The following ZNF585A variants were observed in gnomAD, a reference collection of about 807,000 sequenced individuals.
The protein encoded by ZNF585A is zinc finger protein 585A.
ZNF585A carries 9 observed loss-of-function variants against 14.9 expected under a neutral mutation model. That is an observed-to-expected ratio of 0.60 (90% CI 0.36 to 1.05). The LOEUF (loss-of-function observed/expected upper bound fraction) is 1.05. ZNF585A is among the 50% of genes least tolerant of loss of function. The pLI, the probability that ZNF585A is intolerant of heterozygous loss-of-function variation, is 0.01. For synonymous variants in ZNF585A, 276 were observed against 319.9 expected (o/e 0.86, Z 1.46); for missense variants, 726 against 926.4 (o/e 0.78, Z 2.81).
In ZNF585A at chr19:37,149,522, C is replaced by A. The variant is rs1394627636; in HGVS notation, c.*2067G>T. 6.6e-6 allele frequency: 1 copy of A among 152,180 alleles called. No individual in the cohort carries two copies. Among genetic ancestry groups the A allele is most frequent in the African/African-American group, 2.4e-5 (1 of 41,522 alleles). 9.4% of individuals were successfully genotyped at this position (152,180 alleles called of 1,614,324 possible). ...ATATTAACAGGATGCTGTCATTGGG[C>A]CCTGCTGGCTTGGATCCCATCCATC... On this transcript the variant is annotated 3_prime_UTR_variant, in exon 5 of 5. Transcript: ENST00000292841.
rs183450719 is a variant in ZNF585A at position 37,172,661 on chromosome 19, C to G, written c.-179G>C. ...TTATCGGTATTGGAATATGAAAATA[C>G]TCCTGACACCAGCGGCAAAAAAGCC... On this transcript the variant is annotated 5_prime_UTR_variant, in exon 1 of 5. Coordinates refer to ENST00000292841, the MANE Select transcript of ZNF585A (RefSeq NM_001288800.2). 2.6e-5 allele frequency: 4 copies of G among 152,248 alleles called. No individual in the cohort carries two copies. Among genetic ancestry groups the G allele is most frequent in the Admixed American group, 2.6e-4 (4 of 15,276 alleles). The allele number at this position is 152,248 out of a possible 1,614,324, so 9.4% of individuals were successfully genotyped here.
rs781383328 is a variant in ZNF585A at position 37,152,687 on chromosome 19, A to G, written c.1212T>C (p.His404=). The stretch of plus-strand genomic sequence containing the variant: ...TGCATATATACGATTTTTCTCCTGT[A>G]TGAATTCTCTGATGCACTGTGAGTG... ...KSALTVHQRI[H]TGEKSYICMK... The change falls in exon 5 of 5, where the codon CAT becomes CAC. Residue 404 remains histidine (H), a synonymous_variant. Transcript: ENST00000292841. 7 of 1,613,574 alleles carry G rather than the reference A, an allele frequency of 4.3e-6. No individual in the cohort carries two copies. Among genetic ancestry groups the G allele is most frequent in the Non-Finnish European group, 1.7e-6 (2 of 1,179,834 alleles).
rs1568492335 is a variant in ZNF585A, at chr19:37,151,579, A to T, written c.*10T>A. 1 of 1,602,806 alleles carries T rather than the reference A, an allele frequency of 6.2e-7. No individual in the cohort carries two copies. Among genetic ancestry groups the T allele is most frequent in the Non-Finnish European group, 8.5e-7 (1 of 1,173,524 alleles). ...CCAACCCTCAGGGGGGTTTTCTCAC[A>T]CTGTTTCTCTCAAGCGTGGCTGCTC... On this transcript the variant is annotated 3_prime_UTR_variant, in exon 5 of 5. Transcript: ENST00000292841.
rs927672818 is a variant in ZNF585A at position 37,148,708 on chromosome 19, C to T, written c.*2881G>A. 2 of 152,034 alleles carry T rather than the reference C, an allele frequency of 1.3e-5. No homozygotes were observed. Among genetic ancestry groups the T allele is most frequent in the African/African-American group, 4.8e-5 (2 of 41,376 alleles). 9.4% of individuals were successfully genotyped at this position (152,034 alleles called of 1,614,324 possible). Reference sequence around the variant, plus strand: ...ATTTCAGTTATGTCCACACAAAAAGCCTGCACAGATATTTATAACAGCTTT... The same window carrying T: ...ATTTCAGTTATGTCCACACAAAAAGTCTGCACAGATATTTATAACAGCTTT... On this transcript the variant is annotated 3_prime_UTR_variant, in exon 5 of 5. Coordinates refer to ENST00000292841, the MANE Select transcript of ZNF585A (RefSeq NM_001288800.2).
At position 37,160,692 on chromosome 19, in the gene ZNF585A, GA is replaced by G. The variant is rs541272574; in HGVS notation, c.73-4338del. 2.6e-5 allele frequency among the ~76,000 whole-genome samples: 4 copies of G among 151,872 alleles called. No individual in the cohort carries two copies. In the East Asian group the frequency reaches 7.7e-4, roughly 29 times the overall value. On this transcript the variant is annotated intron_variant, in intron 2 of 4. Transcript: ENST00000292841. ...CCAAGCTAATAAATTCAATAACTTA[GA>G]AAAAAATAAGCCAATTCCTCAAACA...
chr19:37,155,177 T>C (rs1488340362), intron 4 of ZNF585A, among the ~76,000 whole-genome samples: 3 of 151,826 alleles, frequency 2.0e-5, no homozygotes, highest in Non-Finnish European at 2.9e-5. Context: ...ATTTTTTGTA[T>C]TTTTAGGAGA....
intron 2 of ZNF585A, among the ~76,000 whole-genome samples, chr19:37,156,952 A>G (rs1056131289): frequency 6.6e-6 from 1 of 152,198 alleles, no homozygotes; most frequent in African/African-American, 2.4e-5. Context: ...TTGGCCTCCC[A>G]AAGTGCTGGG....
At position 37,155,849 on chromosome 19, in the gene ZNF585A, C is replaced by T. The variant is rs1409457592; in HGVS notation, c.292+16G>A. ...TCCCATCTCCCATCTACCGGATTCACACTCGCTTCACTCACCTGGGCAGCT... is the reference window on the plus strand; with the variant it reads ...TCCCATCTCCCATCTACCGGATTCATACTCGCTTCACTCACCTGGGCAGCT... On this transcript the variant is annotated intron_variant, in intron 4 of 4. Transcript: ENST00000292841. The T allele has an allele frequency of 1.2e-6, 2 of 1,612,076 alleles. No homozygotes were observed. The highest frequency in any genetic ancestry group is 1.7e-5 in the Admixed American group (1 of 60,028).
chr19:37,151,488 G>A lies in ZNF585A; in HGVS notation c.*101C>T. On this transcript the variant is annotated 3_prime_UTR_variant, in exon 5 of 5. Coordinates refer to ENST00000292841, the MANE Select transcript of ZNF585A (RefSeq NM_001288800.2). Reference sequence around the variant, plus strand: ...CAGCCATGTGTGACATTCTGCTGTGGTCATTTCTATTTACAATAATATACA... The same window carrying A: ...CAGCCATGTGTGACATTCTGCTGTGATCATTTCTATTTACAATAATATACA... The A allele has an allele frequency of 7.8e-7, 1 of 1,275,568 alleles. No homozygotes were observed. Among genetic ancestry groups the A allele is most frequent in the South Asian group, 1.5e-5 (1 of 66,704 alleles). The allele number at this position is 1,275,568 out of a possible 1,614,324, so 79.0% of individuals were successfully genotyped here. A position where few individuals can be genotyped will look rare whatever the true frequency, so the allele number is the denominator to read the frequency against.
chr19:37,167,778 G>C (rs1376787767), intron 2 of ZNF585A, among the ~76,000 whole-genome samples: 1 of 151,690 alleles, frequency 6.6e-6, no homozygotes, highest in Non-Finnish European at 1.5e-5. Flanking sequence ...GTGGCACCAC[G>C]CACGGCTTAT....
chr19:37,170,843 A>G (rs1463134476), intron 1 of ZNF585A, among the ~76,000 whole-genome samples: 2 of 152,252 alleles, frequency 1.3e-5, no homozygotes, highest in Non-Finnish European at 2.9e-5. Context: ...ATTAAATGAG[A>G]TAATACTTGT....
chr19:37,165,625 C>T, intron 2 of ZNF585A: 1 of 984,554 alleles, frequency 1.0e-6, no homozygotes, highest in Non-Finnish European at 1.2e-6. Flanking sequence ...CTCTTCAATG[C>T]AGTTAGTTAA....
At chr19:37,163,559 G>A (rs192529174) in intron 2 of ZNF585A, among the ~76,000 whole-genome samples, 112 of 151,370 alleles carry the variant, frequency 7.4e-4, no homozygotes, top group Non-Finnish European at 1.1e-3. Context: ...AACATGAGAC[G>A]GAAATAAAGA....
intron 4 of ZNF585A, 57 bp downstream of exon 4, chr19:37,155,808 G>C (rs998523931): frequency 6.3e-7 from 1 of 1,581,256 alleles, no homozygotes; most frequent in African/African-American, 1.3e-5. Flanking sequence ...TGTTTCTCAA[G>C]ACAGCTGAGA....
chr19:37,164,461 A>G (rs1972057869), intron 2 of ZNF585A, among the ~76,000 whole-genome samples: 1 of 152,208 alleles, frequency 6.6e-6, no homozygotes, highest in Non-Finnish European at 1.5e-5. Flanking sequence ...GTGGTGGGAA[A>G]CTTTAATAAT....
chr19:37,159,178 G>A (rs897466555), intron 2 of ZNF585A, among the ~76,000 whole-genome samples: 4 of 150,984 alleles, frequency 2.6e-5, no homozygotes, highest in African/African-American at 7.3e-5. Context: ...GAACCCAGGA[G>A]GTGGAGATTA....
Position 37,151,829 on chromosome 19 carries a change from A to T in ZNF585A, c.2070T>A (p.Tyr690Ter), listed in dbSNP as rs1280914635. 1 of 1,612,446 alleles carries T rather than the reference A, an allele frequency of 6.2e-7. No individual in the cohort carries two copies. The highest frequency in any genetic ancestry group is 1.7e-5 in the Admixed American group (1 of 59,912). ...AAGACTTCCCACAGTCACTGCACTC[A>T]TAAGGTTTCTCTCCAGTATGAATTC... The part of the protein sequence containing the change: ...HHRIHTGEKP[Y>*]ECSDCGKSFT... The change falls in exon 5 of 5, where the codon TAT becomes TAA. Residue 690 changes from tyrosine (Y) to a stop codon, truncating the protein, a stop_gained. Transcript: ENST00000292841. LOFTEE classifies it high-confidence loss of function.
rs144459358 is a variant in ZNF585A at position 37,161,833 on chromosome 19, T to C, written c.73-5478A>G. ...AAAAAGTCATGTATGAGCAGGTCTC[T>C]GAATTCAGGAGAGTGCACGAGCACA... On this transcript the variant is annotated intron_variant, in intron 2 of 4. Transcript: ENST00000292841. Among the ~76,000 whole-genome samples, 470 of 152,358 alleles carry C rather than the reference T, an allele frequency of 3.1e-3. 7 individuals carry two copies. The highest frequency in any genetic ancestry group is 1.3e-3 in the Non-Finnish European group (88 of 68,036).
At chr19:37,156,864 G>T (rs986335368) in intron 2 of ZNF585A, among the ~76,000 whole-genome samples, 14 of 152,098 alleles carry the variant, frequency 9.2e-5, no homozygotes, top group Admixed American at 6.5e-5. Context: ...GCTAATTTTT[G>T]TATTTATAGT....
Sources: allele counts gnomAD v4.1 joint callset (sites outside exome capture counted in the v4.1 genomes callset), GRCh38; gene constraint gnomAD v4.1.1; transcripts MANE v1.5; gene names NCBI Gene and HGNC (gene_info 2026-07-23, HGNC 2026-07-21).